RBFOX1: variants seen among roughly 807,000 people sequenced by gnomAD.
RBFOX1 encodes the protein RNA binding fox-1 homolog 1.
RBFOX1 carries 8 observed loss-of-function variants against 57.7 expected under a neutral mutation model. That is an observed-to-expected ratio of 0.14 (90% confidence interval 0.08 to 0.25). The LOEUF (loss-of-function observed/expected upper bound fraction) is 0.25, where lower values mean the gene tolerates loss of function less well. RBFOX1 is among the 10% of genes least tolerant of loss of function. The probability of loss-of-function intolerance (pLI) is 1.00; values close to 1 mark genes in which losing one functional copy is unlikely to be tolerated. For missense variants in RBFOX1, 611 were observed against 548.5 expected, an observed-to-expected ratio of 1.11 and a Z score of -1.14; for synonymous variants, 326 against 222.4, an observed-to-expected ratio of 1.47 and a Z score of -4.15.
chr16:7,661,556 G>A (rs1386254880), intron 12 of RBFOX1, among the ~76,000 whole-genome samples: 1 of 152,112 alleles, frequency 6.6e-6, no homozygotes, highest in Admixed American at 6.5e-5. Flanking sequence ...TCCACATTCA[G>A]GGCACCTCTG....
intron 1 of RBFOX1, among the ~76,000 whole-genome samples, chr16:6,122,654 T>C (rs112066951): frequency 4.6e-5 from 7 of 152,202 alleles, no homozygotes; most frequent in African/African-American, 1.7e-4. Flanking sequence ...ATGTGCTGAG[T>C]CAGCACCCTG....
chr16:6,966,753 G>T (rs113331888), intron 3 of RBFOX1, among the ~76,000 whole-genome samples: 115 of 103,914 alleles, frequency 1.1e-3, no homozygotes, highest in Middle Eastern at 8.5e-3. Flanking sequence ...GCCTCTATCT[G>T]TCTGTCTGTC....
At chr16:7,129,514 C>G (rs76835020) in intron 4 of RBFOX1, among the ~76,000 whole-genome samples, 1 of 152,094 alleles carries the variant, frequency 6.6e-6, no homozygotes, top group Non-Finnish European at 1.5e-5. Flanking sequence ...AAGGATAAGA[C>G]CTTGCCATGA....
At chr16:6,808,404 T>G (rs1310572511) in intron 3 of RBFOX1, among the ~76,000 whole-genome samples, 1 of 152,104 alleles carries the variant, frequency 6.6e-6, no homozygotes. Context: ...TTAAGTGCTA[T>G]GGAAGCAGAG....
intron 3 of RBFOX1, among the ~76,000 whole-genome samples, chr16:5,648,354 G>A (rs1191721017): frequency 6.6e-6 from 1 of 152,214 alleles, no homozygotes; most frequent in African/African-American, 2.4e-5. Context: ...GAATGCATGC[G>A]AGTGTGATCA....
chr16:7,024,883 C>A (rs1039466541), intron 3 of RBFOX1, among the ~76,000 whole-genome samples: 16 of 152,096 alleles, frequency 1.1e-4, no homozygotes, highest in Non-Finnish European at 1.9e-4. Flanking sequence ...GATGGAAGGG[C>A]CTTAGAAGTC....
intron 2 of RBFOX1, among the ~76,000 whole-genome samples, chr16:6,621,137 A>G (rs2098223909): frequency 6.6e-6 from 1 of 152,090 alleles, no homozygotes; most frequent in South Asian, 2.1e-4. Context: ...GTGTCTCTGT[A>G]TTTTAAATCT....
upstream of RBFOX1, among the ~76,000 whole-genome samples, chr16:6,018,854 T>C (rs1416979101): frequency 1.3e-5 from 2 of 151,944 alleles, no homozygotes; most frequent in African/African-American, 4.8e-5. Context: ...AGTCCTGGGC[T>C]CATTGCCCCA....
intron 4 of RBFOX1, among the ~76,000 whole-genome samples, chr16:7,432,811 G>T (rs772892404): frequency 1.3e-5 from 2 of 152,154 alleles, no homozygotes; most frequent in Non-Finnish European, 2.9e-5. Flanking sequence ...TGGAACTATG[G>T]CTCCTTTGCT....
At chr16:6,392,249 G>C (rs755252975) in intron 2 of RBFOX1, among the ~76,000 whole-genome samples, 1 of 152,158 alleles carries the variant, frequency 6.6e-6, no homozygotes, top group South Asian at 2.1e-4. Context: ...TTCTCCAAGC[G>C]TTTTAACTGA....
intron 3 of RBFOX1, among the ~76,000 whole-genome samples, chr16:5,632,906 C>T (rs1016338848): frequency 1.3e-4 from 19 of 150,972 alleles, no homozygotes; most frequent in African/African-American, 1.7e-4. Flanking sequence ...CAACCCAGGT[C>T]ACCTGATTCC....
intron 4 of RBFOX1, among the ~76,000 whole-genome samples, chr16:7,489,121 C>T (rs1360525151): frequency 1.3e-5 from 2 of 152,092 alleles, no homozygotes; most frequent in African/African-American, 4.8e-5. Context: ...TCATTCTGTC[C>T]AAATCTCTCT....
chr16:6,508,438 G>A (rs998259825), intron 2 of RBFOX1, among the ~76,000 whole-genome samples: 4 of 152,032 alleles, frequency 2.6e-5, no homozygotes, highest in Non-Finnish European at 5.9e-5. Context: ...GATTATGTGG[G>A]TTTTTTAACC....
At chr16:6,416,144 T>G (rs1447420911) in intron 2 of RBFOX1, among the ~76,000 whole-genome samples, 1 of 152,198 alleles carries the variant, frequency 6.6e-6, no homozygotes, top group African/African-American at 2.4e-5. Flanking sequence ...TTTTGGAACA[T>G]GGTGCAGCAG....
At chr16:5,945,692 C>T (rs2059387799) in intron 4 of RBFOX1, among the ~76,000 whole-genome samples, 1 of 152,210 alleles carries the variant, frequency 6.6e-6, no homozygotes, top group Admixed American at 6.5e-5. Context: ...CTGCACAGCA[C>T]AGCCCTTCCT....
chr16:5,884,925 T>C (rs888440903), intron 4 of RBFOX1, among the ~76,000 whole-genome samples: 2 of 152,120 alleles, frequency 1.3e-5, no homozygotes, highest in African/African-American at 4.8e-5. Flanking sequence ...CTCTTTAGAC[T>C]CTCCTGGAAA....
intron 2 of RBFOX1, among the ~76,000 whole-genome samples, chr16:6,457,843 G>T (rs958413338): frequency 1.3e-5 from 2 of 152,066 alleles, no homozygotes; most frequent in Admixed American, 1.3e-4. Flanking sequence ...TCAGCGCCTT[G>T]GAATAAAAAG....
At chr16:5,564,126 G>T (rs1460644260) in intron 2 of RBFOX1, among the ~76,000 whole-genome samples, 1 of 152,036 alleles carries the variant, frequency 6.6e-6, no homozygotes, top group Non-Finnish European at 1.5e-5. Context: ...CGATTCTCCT[G>T]CCTCAGCATC....
At chr16:5,745,374 A>C (rs989302746) in intron 3 of RBFOX1, among the ~76,000 whole-genome samples, 3 of 152,120 alleles carry the variant, frequency 2.0e-5, no homozygotes, top group Admixed American at 6.6e-5. Flanking sequence ...CCAAGTCTTT[A>C]CTATTGTGAA....
Sources: gnomAD v4.1 joint callset for allele counts (sites outside exome capture counted in the v4.1 genomes callset) on GRCh38, gnomAD v4.1.1 for gene constraint, MANE v1.5 for transcripts, NCBI Gene and HGNC (gene_info 2026-07-23, HGNC 2026-07-21) for gene names.